The following NUP93 variants were observed in gnomAD, a reference collection of about 807,000 sequenced individuals.
NUP93 encodes the protein nucleoporin 93.
Under a neutral mutation model 107.8 loss-of-function variants are expected in NUP93, and 55 were observed. The ratio of observed to expected loss-of-function variants is 0.51; its 90% CI spans 0.41 to 0.64. The LOEUF (loss-of-function observed/expected upper bound fraction) is 0.64, where lower values mean the gene tolerates loss of function less well. Ranked by LOEUF, NUP93 falls within the 30% of genes least tolerant of loss-of-function variation. The pLI is 0.00. For synonymous variants in NUP93, 390 were observed against 397.5 expected (o/e 0.98, Z 0.22); for missense variants, 937 against 1,044.7 (o/e 0.90, Z 1.42).
At chr16:56,817,708 T>C (rs1162086650) in intron 5 of NUP93, among the ~76,000 whole-genome samples, 1 of 152,236 alleles carries the variant, frequency 6.6e-6, no homozygotes, top group Non-Finnish European at 1.5e-5. Flanking sequence ...GTGGCTGGCT[T>C]CATAAGATTA....
At chr16:56,840,211 G>A (rs868679905) in intron 20 of NUP93, among the ~76,000 whole-genome samples, 1 of 152,136 alleles carries the variant, frequency 6.6e-6, no homozygotes, top group South Asian at 2.1e-4. Context: ...TAGTAGAGAT[G>A]GGGTTTCACC....
chr16:56,820,293 TAAAACC>T (rs1442325311), intron 6 of NUP93, among the ~76,000 whole-genome samples: 1 of 152,242 alleles, frequency 6.6e-6, no homozygotes, highest in African/African-American at 2.4e-5. Flanking sequence ...CGTCATGGTT[TAAAACC>T]ATTTTATTGA....
At chr16:56,734,070 G>A (rs1961574423) in intron 1 of NUP93, among the ~76,000 whole-genome samples, 2 of 152,184 alleles carry the variant, frequency 1.3e-5, no homozygotes, top group Admixed American at 1.3e-4. Flanking sequence ...GACCAGACAA[G>A]GTTCCCAGAC....
At chr16:56,777,041 C>T (rs994952487) in intron 3 of NUP93, among the ~76,000 whole-genome samples, 7 of 151,638 alleles carry the variant, frequency 4.6e-5, no homozygotes, top group African/African-American at 7.3e-5. Context: ...TGTGCACGCA[C>T]GTGTGTGTGT....
chr16:56,764,461 G>A (rs1489740817), intron 3 of NUP93, among the ~76,000 whole-genome samples: 2 of 152,194 alleles, frequency 1.3e-5, no homozygotes, highest in African/African-American at 2.4e-5. Flanking sequence ...CAGCACTCCA[G>A]CCTGGCTGAC....
chr16:56,784,156 A>T (rs1567386965), intron 3 of NUP93, among the ~76,000 whole-genome samples: 1 of 152,220 alleles, frequency 6.6e-6, no homozygotes. Flanking sequence ...TGGAAATGAC[A>T]CTTGAGAGGA....
chr16:56,757,291 T>C (rs1434502531), intron 2 of NUP93, among the ~76,000 whole-genome samples: 1 of 152,214 alleles, frequency 6.6e-6, no homozygotes, highest in East Asian at 1.9e-4. Context: ...GTGAGAGTTT[T>C]TGGTACTAAT....
chr16:56,825,954 G>A (rs1379549723), intron 8 of NUP93, among the ~76,000 whole-genome samples: 3 of 152,140 alleles, frequency 2.0e-5, no homozygotes, highest in African/African-American at 7.2e-5. Context: ...GCACCAGATG[G>A]CAAAGTAGAC....
intron 5 of NUP93, among the ~76,000 whole-genome samples, chr16:56,811,592 T>A (rs1190824508): frequency 6.6e-6 from 1 of 151,966 alleles, no homozygotes; most frequent in Admixed American, 6.6e-5. Context: ...TGCCTCAGCC[T>A]CCCGAATAGC....
intron 3 of NUP93, among the ~76,000 whole-genome samples, chr16:56,766,568 A>G (rs940187267): frequency 5.9e-5 from 9 of 152,218 alleles, no homozygotes; most frequent in Admixed American, 4.6e-4. Flanking sequence ...CTTGTCAAAT[A>G]TTGAATTGTT....
At chr16:56,762,890 G>A (rs1232153333) in intron 3 of NUP93, among the ~76,000 whole-genome samples, 1 of 152,088 alleles carries the variant, frequency 6.6e-6, no homozygotes, top group Non-Finnish European at 1.5e-5. Context: ...GTTCTTCCTT[G>A]TGTGTGTCAG....
At chr16:56,742,242 A>G (rs762111349) in intron 1 of NUP93, among the ~76,000 whole-genome samples, 4 of 152,222 alleles carry the variant, frequency 2.6e-5, no homozygotes, top group Non-Finnish European at 5.9e-5. Flanking sequence ...CTATTGTGTC[A>G]CTCATTTTAT....
intron 5 of NUP93, 80 bp from the exon 6 acceptor site, chr16:56,818,584 A>C: frequency 1.8e-6 from 2 of 1,115,330 alleles, no homozygotes; most frequent in Non-Finnish European, 2.7e-6. Flanking sequence ...AAAGACAAGA[A>C]TATGTTTATG....
At chr16:56,843,793 A>G (rs1964071185) in intron 21 of NUP93, among the ~76,000 whole-genome samples, 1 of 152,204 alleles carries the variant, frequency 6.6e-6, no homozygotes, top group African/African-American at 2.4e-5. Flanking sequence ...AGCCTAGTAG[A>G]TGACTCCTCA....
intron 8 of NUP93, among the ~76,000 whole-genome samples, chr16:56,827,515 G>A (rs1327365771): frequency 6.6e-6 from 1 of 152,134 alleles, no homozygotes; most frequent in African/African-American, 2.4e-5. Context: ...GAAATCTGGT[G>A]GACATCTTTC....
intron 1 of NUP93, among the ~76,000 whole-genome samples, chr16:56,735,206 T>C (rs1961592415): frequency 6.6e-6 from 1 of 152,210 alleles, no homozygotes; most frequent in African/African-American, 2.4e-5. Context: ...AGCTAATGTT[T>C]ATTGAGTGGT....
In NUP93 at chr16:56,834,438, G is replaced by T. The variant is rs201617246; in HGVS notation, c.1733G>T (p.Arg578Leu). ...RCVSELVIES[R>L]EFDMILGKLE... is the part of the protein sequence containing the mutation. ...GTGAGTGAGCTTGTGATTGAAAGCC[G>T]AGAGGTGAGTGGGTTTCCTTTTCTC... Residue 578 changes from arginine to leucine, a missense_variant, in exon 15 of 22, where the codon CGA (arginine) becomes CTA (leucine). Transcript: ENST00000308159. The T allele has an allele frequency of 2.7e-5, 43 of 1,614,020 alleles. No individual in the cohort carries two copies. Among genetic ancestry groups the T allele is most frequent in the Non-Finnish European group, 3.5e-5 (41 of 1,180,006 alleles).
chr16:56,838,847 G>T (rs912144513), intron 18 of NUP93, 105 bp from the exon 19 acceptor site: 1 of 798,426 alleles, frequency 1.3e-6, no homozygotes, highest in South Asian at 1.7e-5. Context: ...TTACAGGCAT[G>T]AGCGACCACA....
chr16:56,735,431 G>A (rs1002212269), intron 1 of NUP93, among the ~76,000 whole-genome samples: 3 of 152,246 alleles, frequency 2.0e-5, no homozygotes, highest in Non-Finnish European at 4.4e-5. Context: ...AGTAAATCAA[G>A]TGACTGGTAC....
Sources: gnomAD v4.1 joint callset for allele counts (sites outside exome capture counted in the v4.1 genomes callset) on GRCh38, gnomAD v4.1.1 for gene constraint, MANE v1.5 for transcripts, NCBI Gene and HGNC (gene_info 2026-07-23, HGNC 2026-07-21) for gene names.